The following ROBO2 variants were observed in gnomAD, a reference collection of about 807,000 sequenced individuals.
ROBO2 encodes the protein roundabout guidance receptor 2.
Under a neutral mutation model 160.8 loss-of-function variants are expected in ROBO2, and 53 were observed. The ratio of observed to expected loss-of-function variants is 0.33; its 90% CI spans 0.26 to 0.41. ROBO2 has a LOEUF of 0.41. Among genes scored for constraint, ROBO2 ranks in the 10% least tolerant of loss-of-function variants. The probability of loss-of-function intolerance (pLI) is 1.00; values close to 1 mark genes in which losing one functional copy is unlikely to be tolerated. For synonymous variants in ROBO2, 664 were observed against 611.7 expected, an observed-to-expected ratio of 1.09 and a Z score of -1.26; for missense variants, 1,577 against 1,722.4, an observed-to-expected ratio of 0.92 and a Z score of 1.49.
intron 2 of ROBO2, among the ~76,000 whole-genome samples, chr3:76,546,007 T>C (rs1041148878): frequency 3.3e-5 from 5 of 151,886 alleles, no homozygotes; most frequent in Non-Finnish European, 7.4e-5. Context: ...GACTTTTCAC[T>C]AGAATTAAGT....
intron 2 of ROBO2, among the ~76,000 whole-genome samples, chr3:76,644,813 G>A (rs1452335655): frequency 6.6e-6 from 1 of 152,172 alleles, no homozygotes; most frequent in African/African-American, 2.4e-5. Flanking sequence ...TGCTGAGGCA[G>A]TTAATAATAA....
At chr3:77,109,581 G>C (rs2073302563) in intron 2 of ROBO2, among the ~76,000 whole-genome samples, 1 of 152,222 alleles carries the variant, frequency 6.6e-6, no homozygotes, top group Non-Finnish European at 1.5e-5. Context: ...TGTGGAACAG[G>C]TGAAATGATT....
At chr3:76,280,879 T>C (rs182508787) in intron 2 of ROBO2, among the ~76,000 whole-genome samples, 1 of 152,026 alleles carries the variant, frequency 6.6e-6, no homozygotes, top group Admixed American at 6.6e-5. Context: ...ATGAATCTAG[T>C]GAAGGTTCTT....
At chr3:76,881,885 T>A (rs1172832836) in intron 2 of ROBO2, among the ~76,000 whole-genome samples, 1 of 152,132 alleles carries the variant, frequency 6.6e-6, no homozygotes, top group Admixed American at 6.6e-5. Context: ...TTGTAATTAC[T>A]GTTTGGCTGG....
At chr3:76,242,779 GGA>G (rs1165051102) in intron 2 of ROBO2, among the ~76,000 whole-genome samples, 1 of 152,050 alleles carries the variant, frequency 6.6e-6, no homozygotes, top group East Asian at 1.9e-4. Flanking sequence ...CAGCTAGCTG[GGA>G]GGCTAAGGTG....
intron 5 of ROBO2, among the ~76,000 whole-genome samples, chr3:77,505,691 T>C (rs1019547549): frequency 6.6e-6 from 1 of 152,096 alleles, no homozygotes; most frequent in African/African-American, 2.4e-5. Context: ...ATGGGAGTAA[T>C]AGCTAATATT....
chr3:76,999,893 A>G (rs2061245937), intron 2 of ROBO2, among the ~76,000 whole-genome samples: 1 of 152,130 alleles, frequency 6.6e-6, no homozygotes, highest in African/African-American at 2.4e-5. Context: ...AAAAATTGGT[A>G]AAGTTGAAGA....
chr3:76,887,578 A>G (rs1332678096), intron 2 of ROBO2, among the ~76,000 whole-genome samples: 1 of 152,066 alleles, frequency 6.6e-6, no homozygotes, highest in Admixed American at 6.6e-5. Flanking sequence ...CCGTCCTCTT[A>G]TTAAATAGAG....
intron 1 of ROBO2, among the ~76,000 whole-genome samples, chr3:75,931,400 G>A (rs1321338174): frequency 1.3e-5 from 2 of 152,074 alleles, no homozygotes; most frequent in East Asian, 3.9e-4. Flanking sequence ...CACCCAAGCT[G>A]GAGTGCAGTG....
chr3:76,582,969 T>C (rs1456167164), intron 2 of ROBO2, among the ~76,000 whole-genome samples: 2 of 148,742 alleles, frequency 1.3e-5, no homozygotes, highest in African/African-American at 5.0e-5. Flanking sequence ...TCAAGAAGAG[T>C]CACAACAAAC....
intron 2 of ROBO2, among the ~76,000 whole-genome samples, chr3:77,263,298 T>C (rs1261786043): frequency 6.6e-6 from 1 of 152,220 alleles, no homozygotes; most frequent in Non-Finnish European, 1.5e-5. Context: ...GCAGGTTTGT[T>C]ACATAGGTAA....
chr3:77,297,798 T>G (rs547849684), intron 2 of ROBO2, among the ~76,000 whole-genome samples: 3 of 152,164 alleles, frequency 2.0e-5, no homozygotes, highest in East Asian at 3.9e-4. Context: ...ACAAAGGAAG[T>G]AAAGGAAGTT....
chr3:76,493,565 A>G (rs1391858798), intron 2 of ROBO2, among the ~76,000 whole-genome samples: 2 of 151,542 alleles, frequency 1.3e-5, no homozygotes, highest in African/African-American at 2.4e-5. Flanking sequence ...ATTTTTTCCT[A>G]TATGTTTCCT....
intron 2 of ROBO2, among the ~76,000 whole-genome samples, chr3:76,928,451 A>C (rs1467877129): frequency 7.4e-6 from 1 of 135,020 alleles, no homozygotes; most frequent in Non-Finnish European, 1.5e-5. Flanking sequence ...AGTTTATGAT[A>C]ATTTTTTTTT....
chr3:77,252,175 T>G (rs2090425794), intron 2 of ROBO2, among the ~76,000 whole-genome samples: 1 of 152,176 alleles, frequency 6.6e-6, no homozygotes. Flanking sequence ...GTGAACATTA[T>G]TCTGTCAAAT....
intron 2 of ROBO2, among the ~76,000 whole-genome samples, chr3:76,409,917 G>A (rs903251925): frequency 6.6e-6 from 1 of 152,082 alleles, no homozygotes; most frequent in Non-Finnish European, 1.5e-5. Context: ...CAAAAGTGCT[G>A]CTCCCCCAAA....
At position 76,325,047 on chromosome 3, in the gene ROBO2, G is replaced by C. The variant is rs577858584; in HGVS notation, c.109+387445G>C. On this transcript the variant is annotated intron_variant, in intron 2 of 26. Coordinates refer to the ROBO2 transcript ENST00000487694. ...ATGAACCCGGGAGGCGGAGCTTGCA[G>C]TGAGCAGAGATCGCACCACTGCACT... is the stretch of plus-strand genomic sequence containing the variant. Among the ~76,000 whole-genome samples, 50 of 152,362 alleles carry C rather than the reference G, an allele frequency of 3.3e-4. No homozygotes were observed. In the South Asian group the frequency reaches 0.01, roughly 31 times the overall value.
intron 2 of ROBO2, among the ~76,000 whole-genome samples, chr3:77,401,459 G>A (rs1340043755): frequency 1.3e-5 from 2 of 152,078 alleles, no homozygotes; most frequent in African/African-American, 2.4e-5. Context: ...TTTATGAAAT[G>A]CTTCTTGAAT....
intron 2 of ROBO2, among the ~76,000 whole-genome samples, chr3:76,925,026 G>T (rs1000454662): frequency 1.3e-5 from 2 of 151,680 alleles, no homozygotes; most frequent in Non-Finnish European, 2.9e-5. Context: ...GGCTAAAACG[G>T]TGAAACCCCG....
Sources: allele counts gnomAD v4.1 joint callset (sites outside exome capture counted in the v4.1 genomes callset), GRCh38; gene constraint gnomAD v4.1.1; transcripts MANE v1.5; gene names NCBI Gene and HGNC (gene_info 2026-07-23, HGNC 2026-07-21).